PLXDC2: variants seen among roughly 807,000 people sequenced by gnomAD.
The protein encoded by PLXDC2 is plexin domain-containing protein 2.
Under a neutral mutation model 68.9 loss-of-function variants are expected in PLXDC2, and 40 were observed. That is an observed-to-expected ratio of 0.58 (90% CI 0.45 to 0.76). The LOEUF (loss-of-function observed/expected upper bound fraction) is 0.76, where lower values mean the gene tolerates loss of function less well. Among genes scored for constraint, PLXDC2 ranks in the 30% least tolerant of loss-of-function variants. PLXDC2 has a pLI of 0.00. For missense variants in PLXDC2, 644 were observed against 661.9 expected (o/e 0.97, Z 0.30); for synonymous variants, 243 against 234.2 (o/e 1.04, Z -0.34).
At chr10:20,034,528 A>G (rs567891730) in intron 2 of PLXDC2, among the ~76,000 whole-genome samples, 18 of 152,294 alleles carry the variant, frequency 1.2e-4, no homozygotes, top group African/African-American at 3.6e-4. Context: ...TCAGAATATC[A>G]TTTATTTGTA....
intron 4 of PLXDC2, among the ~76,000 whole-genome samples, chr10:20,069,800 C>T (rs183878254): frequency 2.2e-4 from 33 of 152,282 alleles, no homozygotes; most frequent in African/African-American, 7.5e-4. Context: ...CACTGCACTA[C>T]AGCTTGGGCA....
intron 1 of PLXDC2, among the ~76,000 whole-genome samples, chr10:19,883,527 A>G (rs138446515): frequency 1.3e-4 from 20 of 152,216 alleles, no homozygotes; most frequent in African/African-American, 4.8e-4. Flanking sequence ...TGAGTTTATA[A>G]TGGTTGACCT....
chr10:20,235,765 G>GT (rs1197623609), intron 12 of PLXDC2, among the ~76,000 whole-genome samples: 5 of 152,184 alleles, frequency 3.3e-5, no homozygotes, highest in Admixed American at 6.5e-5. Flanking sequence ...TTGATAAGTA[G>GT]TAAACATTCA....
chr10:20,137,226 A>G (rs554665720), intron 4 of PLXDC2, among the ~76,000 whole-genome samples: 1 of 152,342 alleles, frequency 6.6e-6, no homozygotes, highest in South Asian at 2.1e-4. Context: ...TTGAACAAAT[A>G]TAAGTGATTC....
chr10:19,963,132 G>T (rs1834189928), intron 1 of PLXDC2, among the ~76,000 whole-genome samples: 1 of 152,050 alleles, frequency 6.6e-6, no homozygotes. Flanking sequence ...TATACATCAG[G>T]TTTACAATAT....
At chr10:20,258,554 T>C (rs1403198425) in intron 13 of PLXDC2, among the ~76,000 whole-genome samples, 1 of 152,222 alleles carries the variant, frequency 6.6e-6, no homozygotes, top group East Asian at 1.9e-4. Flanking sequence ...AATATCTTTA[T>C]AGTAAAACTA....
chr10:20,083,423 G>A (rs11817993), intron 4 of PLXDC2, among the ~76,000 whole-genome samples: 2,378 of 148,738 alleles, frequency 0.016, 61 homozygotes, highest in African/African-American at 0.056. Context: ...CTTGCAGTGA[G>A]CCGAGATCGC....
At chr10:19,935,619 A>G (rs867217650) in intron 1 of PLXDC2, among the ~76,000 whole-genome samples, 1 of 152,188 alleles carries the variant, frequency 6.6e-6, no homozygotes, top group African/African-American at 2.4e-5. Context: ...CTCAGCATCC[A>G]AGAGAACTCA....
intron 4 of PLXDC2, among the ~76,000 whole-genome samples, chr10:20,114,649 G>T (rs1441994136): frequency 6.6e-6 from 1 of 152,208 alleles, no homozygotes; most frequent in East Asian, 1.9e-4. Flanking sequence ...CTTCACAGAC[G>T]AGGAGAAGCT....
intron 1 of PLXDC2, among the ~76,000 whole-genome samples, chr10:19,871,022 G>T (rs1389640210): frequency 6.6e-6 from 1 of 152,204 alleles, no homozygotes; most frequent in Non-Finnish European, 1.5e-5. Context: ...CCTCTGGACA[G>T]TTTGGTTGCT....
Position 19,824,562 on chromosome 10 carries a change from T to G in PLXDC2, c.112+7371T>G, listed in dbSNP as rs78555735. On this transcript the variant is annotated intron_variant, in intron 1 of 13. Transcript: ENST00000377252. ...TAATTATCTCTGTAGAGTACTCCATTCTGAGAGGTCTTTCTTCACTGAGTT... is the reference window on the plus strand; with the variant it reads ...TAATTATCTCTGTAGAGTACTCCATGCTGAGAGGTCTTTCTTCACTGAGTT... Among the ~76,000 whole-genome samples the G allele has an allele frequency of 2.5e-3, 376 of 152,338 alleles. 10 individuals carry two copies. The East Asian group carries it at 0.054, about 22-fold the overall frequency.
At chr10:20,004,898 A>C (rs2131639865) in intron 2 of PLXDC2, among the ~76,000 whole-genome samples, 1 of 152,280 alleles carries the variant, frequency 6.6e-6, no homozygotes, top group Middle Eastern at 3.4e-3. Flanking sequence ...AGGATGGCCC[A>C]GGGGACTGTT....
intron 2 of PLXDC2, among the ~76,000 whole-genome samples, chr10:20,038,308 C>T (rs1028002469): frequency 7.9e-5 from 12 of 151,704 alleles, no homozygotes; most frequent in South Asian, 4.2e-4. Context: ...CATAAGATAT[C>T]GCTAGAGGGA....
chr10:19,856,673 C>T (rs2131331215), intron 1 of PLXDC2, among the ~76,000 whole-genome samples: 1 of 152,310 alleles, frequency 6.6e-6, no homozygotes. Flanking sequence ...TGGCATTTCA[C>T]ACATTTCATC....
chr10:19,990,664 C>A (rs1483127247), intron 1 of PLXDC2, among the ~76,000 whole-genome samples: 1 of 151,756 alleles, frequency 6.6e-6, no homozygotes, highest in Non-Finnish European at 1.5e-5. Context: ...ATAGTTTTTA[C>A]TGTCTTGATT....
At chr10:19,868,853 G>A (rs1157249763) in intron 1 of PLXDC2, among the ~76,000 whole-genome samples, 1 of 152,000 alleles carries the variant, frequency 6.6e-6, no homozygotes, top group African/African-American at 2.4e-5. Flanking sequence ...GCATATTTGT[G>A]GTTAATTCAA....
At chr10:20,186,102 C>T (rs965117528) in intron 9 of PLXDC2, among the ~76,000 whole-genome samples, 21 of 151,978 alleles carry the variant, frequency 1.4e-4, no homozygotes, top group East Asian at 9.7e-4. Flanking sequence ...ATTAAAAATA[C>T]GAATCTACTT....
rs182607166 is a variant in PLXDC2 at position 20,238,577 on chromosome 10, G to A, written c.1313-6768G>A. Among the ~76,000 whole-genome samples the A allele has an allele frequency of 3.1e-3, 463 of 149,150 alleles. 3 individuals carry two copies. Among genetic ancestry groups the A allele is most frequent in the Non-Finnish European group, 5.0e-3 (338 of 67,394 alleles). On this transcript the variant is annotated intron_variant, in intron 12 of 13. Coordinates refer to ENST00000377252, the MANE Select transcript of PLXDC2 (RefSeq NM_032812.9). ...CAGGAGAATTACCTGAATCCGGGAG[G>A]CAGAGGCTGCAGTGAGCCGAGATCG... is the stretch of plus-strand genomic sequence containing the variant.
chr10:20,075,837 C>T (rs1473293395), intron 4 of PLXDC2, among the ~76,000 whole-genome samples: 1 of 152,134 alleles, frequency 6.6e-6, no homozygotes, highest in Non-Finnish European at 1.5e-5. Flanking sequence ...GGGTGAAAAA[C>T]ATGGTCTCCA....
Sources: gnomAD v4.1 joint callset for allele counts (sites outside exome capture counted in the v4.1 genomes callset) on GRCh38, gnomAD v4.1.1 for gene constraint, MANE v1.5 for transcripts, NCBI Gene and HGNC (gene_info 2026-07-23, HGNC 2026-07-21) for gene names.